DLGAP2: variants seen among roughly 807,000 people sequenced by gnomAD.
DLGAP2 encodes DLG associated protein 2, also known as disks large-associated protein 2.
In DLGAP2, 26 loss-of-function variants were observed where a neutral mutation model predicts 100.3. The ratio of observed to expected loss-of-function variants is 0.26; its 90% CI spans 0.19 to 0.36. The LOEUF is 0.36. DLGAP2 is among the 10% of genes least tolerant of loss of function. The pLI, the probability that DLGAP2 is intolerant of heterozygous loss-of-function variation, is 1.00. For missense variants in DLGAP2, 1,858 were observed against 1,453.2 expected (o/e 1.28, Z -4.53); for synonymous variants, 886 against 630.1 (o/e 1.41, Z -6.08).
chr8:754,357 C>G (rs1216180835), intron 1 of DLGAP2: 2 of 152,214 alleles, frequency 1.3e-5, no homozygotes, highest in Non-Finnish European at 2.9e-5. Flanking sequence ...AACTCTCTTC[C>G]TAAAAAATCC....
intron 1 of DLGAP2, among the ~76,000 whole-genome samples, chr8:856,173 C>T (rs1175470385): frequency 7.5e-6 from 1 of 132,716 alleles, no homozygotes; most frequent in African/African-American, 2.7e-5. Flanking sequence ...GTGGAAAAAT[C>T]TTCTTCTTCT....
chr8:1,257,736 GC>G (rs1799258627), intron 2 of DLGAP2, among the ~76,000 whole-genome samples: 2 of 151,996 alleles, frequency 1.3e-5, no homozygotes. Flanking sequence ...GCCCGTGCAG[GC>G]CAGCGCTGAC....
At chr8:1,136,605 C>G (rs1395111902) in intron 2 of DLGAP2, among the ~76,000 whole-genome samples, 4 of 152,228 alleles carry the variant, frequency 2.6e-5, no homozygotes, top group Non-Finnish European at 5.9e-5. Context: ...TGGTGCACAG[C>G]AGACCCATGA....
At chr8:981,271 A>G (rs1488616819) in intron 2 of DLGAP2, among the ~76,000 whole-genome samples, 1 of 152,154 alleles carries the variant, frequency 6.6e-6, no homozygotes, top group Non-Finnish European at 1.5e-5. Flanking sequence ...TCTGGGGCTG[A>G]GTTGCCCCTC....
At chr8:1,332,527 G>C (rs560798581) in intron 3 of DLGAP2, among the ~76,000 whole-genome samples, 21 of 152,226 alleles carry the variant, frequency 1.4e-4, no homozygotes, top group African/African-American at 5.1e-4. Context: ...GTGTGTCATT[G>C]TGCACACACT....
At chr8:1,152,161 T>A (rs1216486065) in intron 2 of DLGAP2, among the ~76,000 whole-genome samples, 2 of 152,244 alleles carry the variant, frequency 1.3e-5, no homozygotes, top group African/African-American at 4.8e-5. Flanking sequence ...TTTGTAGACA[T>A]TTATCTATTT....
intron 1 of DLGAP2, among the ~76,000 whole-genome samples, chr8:810,058 T>C (rs551752083): frequency 2.0e-5 from 3 of 152,318 alleles, no homozygotes; most frequent in South Asian, 4.1e-4. Flanking sequence ...TCAGCACGAC[T>C]GGGGGTGTGA....
chr8:1,446,375 C>A (rs1276941034), intron 3 of DLGAP2, among the ~76,000 whole-genome samples: 1 of 152,098 alleles, frequency 6.6e-6, no homozygotes, highest in Non-Finnish European at 1.5e-5. Context: ...TTATTTTTGT[C>A]AGGTTTGTCA....
Position 1,678,622 on chromosome 8 carries a change from G to C in DLGAP2, c.2697G>C (p.Ser899=). 6.5e-7 allele frequency: 1 copy of C among 1,540,066 alleles called. No homozygotes were observed. Among genetic ancestry groups the C allele is most frequent in the Non-Finnish European group, 8.8e-7 (1 of 1,140,390 alleles). The change falls in exon 12 of 15, where the codon TCG becomes TCC. Residue 899 remains serine, a synonymous_variant. Transcript: ENST00000637795. ...GAGAGGCGGAGGAGAACGACCTCTC[G>C]GAGGAAAGTAAGAGCTCAGGCTTCC... The part of the protein sequence containing the change: ...MEREAEENDL[S]EEILGKIRSA...
chr8:1,355,309 G>A (rs1359773042), intron 3 of DLGAP2, among the ~76,000 whole-genome samples: 1 of 152,240 alleles, frequency 6.6e-6, no homozygotes, highest in Non-Finnish European at 1.5e-5. Flanking sequence ...TCTCTGGGTG[G>A]TGAGATTGTC....
chr8:1,475,438 C>G (rs1029902162), intron 3 of DLGAP2, among the ~76,000 whole-genome samples: 2 of 152,176 alleles, frequency 1.3e-5, no homozygotes, highest in African/African-American at 4.8e-5. Flanking sequence ...GTATGGAAAA[C>G]AGAGCCCATA....
At chr8:1,315,233 T>C (rs148769896) in intron 3 of DLGAP2, among the ~76,000 whole-genome samples, 6,326 of 142,646 alleles carry the variant, frequency 0.044, 245 homozygotes, top group East Asian at 0.11. Flanking sequence ...GCAAGTACAG[T>C]GTCTCTCCAG....
chr8:1,318,784 C>CG, intron 3 of DLGAP2, among the ~76,000 whole-genome samples: 1 of 129,526 alleles, frequency 7.7e-6, no homozygotes, highest in South Asian at 2.9e-4. Context: ...ATCAGCCCCC[C>CG]CCCCGCCCCC....
chr8:742,883 T>G (rs1820520790), intron 1 of DLGAP2, among the ~76,000 whole-genome samples: 1 of 152,108 alleles, frequency 6.6e-6, no homozygotes, highest in Non-Finnish European at 1.5e-5. Context: ...CAATATTAAC[T>G]TGATAGGGTT....
chr8:1,573,965 C>T (rs1335416812), intron 6 of DLGAP2, among the ~76,000 whole-genome samples: 2 of 152,136 alleles, frequency 1.3e-5, no homozygotes, highest in African/African-American at 2.4e-5. Context: ...GTGAGGTGCT[C>T]TCTAAATGCG....
rs35210879 is a variant in DLGAP2 at position 1,683,834 on chromosome 8, CTATATATATATA to C, written c.2704+5217_2704+5228del. On this transcript the variant is annotated intron_variant, in intron 12 of 14. Coordinates refer to ENST00000637795, the MANE Select transcript of DLGAP2 (RefSeq NM_001346810.2). ...CCTGATTTTCCTTGTCTTTGCTCCA[CTATATATATATA>C]TATATATATATGTGTGTGTGTGTGT... 4.0e-3 allele frequency among the ~76,000 whole-genome samples: 227 copies of C among 56,136 alleles called. 5 individuals carry two copies. Among genetic ancestry groups the C allele is most frequent in the South Asian group, 0.019 (22 of 1,150 alleles). 36.8% of individuals were successfully genotyped at this position (56,136 alleles called of 152,430 possible).
intron 5 of DLGAP2, among the ~76,000 whole-genome samples, chr8:1,553,452 GC>G (rs1365856518): frequency 1.3e-5 from 2 of 152,148 alleles, no homozygotes; most frequent in Non-Finnish European, 2.9e-5. Context: ...GTTTTATTCG[GC>G]GTGTTCACGG....
intron 2 of DLGAP2, among the ~76,000 whole-genome samples, chr8:1,176,708 T>C (rs1293086917): frequency 1.3e-5 from 2 of 152,096 alleles, no homozygotes; most frequent in African/African-American, 4.8e-5. Flanking sequence ...CCGTCTGCCA[T>C]GCTGCCTGTT....
intron 2 of DLGAP2, among the ~76,000 whole-genome samples, chr8:1,122,443 C>T (rs1252699100): frequency 6.6e-6 from 1 of 152,158 alleles, no homozygotes; most frequent in African/African-American, 2.4e-5. Context: ...TCTGTTACTG[C>T]CATCCAGAGC....
Sources: allele counts gnomAD v4.1 joint callset (sites outside exome capture counted in the v4.1 genomes callset), GRCh38; gene constraint gnomAD v4.1.1; transcripts MANE v1.5; gene names NCBI Gene and HGNC (gene_info 2026-07-23, HGNC 2026-07-21).